TAF3: variants seen among roughly 807,000 people sequenced by gnomAD.
TAF3 encodes transcription initiation factor TFIID subunit 3.
A neutral mutation model predicts 80.6 loss-of-function variants in TAF3; 7 were observed. The ratio of observed to expected loss-of-function variants is 0.09; its 90% CI spans 0.05 to 0.16. TAF3 has a LOEUF of 0.16. TAF3 is among the 10% of genes least tolerant of loss of function. The pLI, the probability that TAF3 is intolerant of heterozygous loss-of-function variation, is 1.00. For synonymous variants in TAF3, 444 were observed against 446.1 expected (o/e 1.00, Z 0.06); for missense variants, 921 against 1,140.2 (o/e 0.81, Z 2.77).
intron 4 of TAF3, among the ~76,000 whole-genome samples, chr10:7,983,802 G>A (rs1831750843): frequency 1.3e-5 from 2 of 152,034 alleles, no homozygotes; most frequent in Non-Finnish European, 2.9e-5. Flanking sequence ...TTGCACTGCT[G>A]CACTCCAGCC....
In TAF3 at chr10:7,865,392, T is replaced by C. The variant is rs188773961; in HGVS notation, c.409+40832T>C. 3.1e-4 allele frequency among the ~76,000 whole-genome samples: 47 copies of C among 152,172 alleles called. No homozygotes were observed. In the East Asian group the frequency reaches 7.4e-3, roughly 24 times the overall value. On this transcript the variant is annotated intron_variant, in intron 2 of 6. Transcript: ENST00000344293. Reference sequence around the variant, plus strand: ...TACTCGGGAGGCTGAGGCAGGAGAATGGTGTGAACCCGGGAGGCGGAGCTT... The same window carrying C: ...TACTCGGGAGGCTGAGGCAGGAGAACGGTGTGAACCCGGGAGGCGGAGCTT...
chr10:7,913,200 G>A (rs1489425297), intron 2 of TAF3, among the ~76,000 whole-genome samples: 4 of 152,172 alleles, frequency 2.6e-5, no homozygotes, highest in East Asian at 3.9e-4. Flanking sequence ...CTCTTTAAAG[G>A]CCCTGTGTCT....
chr10:7,826,708 C>T (rs1017112547), intron 2 of TAF3, among the ~76,000 whole-genome samples: 9 of 152,096 alleles, frequency 5.9e-5, no homozygotes, highest in Non-Finnish European at 1.3e-4. Flanking sequence ...TATAAGGATG[C>T]AGTAAGTGGT....
At chr10:7,871,393 G>A (rs1837263148) in intron 2 of TAF3, among the ~76,000 whole-genome samples, 1 of 141,402 alleles carries the variant, frequency 7.1e-6, no homozygotes, top group African/African-American at 2.6e-5. Context: ...TAAATTGATA[G>A]TAAATTTTCT....
rs1333465714 is a variant in TAF3 at position 7,846,028 on chromosome 10, G to A, written c.409+21468G>A. Among the ~76,000 whole-genome samples, 7 of 146,882 alleles carry A rather than the reference G, an allele frequency of 4.8e-5. No homozygotes were observed. The South Asian group carries it at 6.5e-4, about 14-fold the overall frequency. On this transcript the variant is annotated intron_variant, in intron 2 of 6. Transcript: ENST00000344293. ...GGCTGGAGTGCAGTGGCGCAATCTC[G>A]GCTCACTGCAAGCTCCGCCTCCTGG...
At chr10:7,865,552 C>T (rs867224772) in intron 2 of TAF3, among the ~76,000 whole-genome samples, 9 of 152,154 alleles carry the variant, frequency 5.9e-5, no homozygotes, top group African/African-American at 1.4e-4. Flanking sequence ...AACCTTGGTG[C>T]GTGCTGAGCT....
At chr10:7,901,343 A>G (rs1197548297) in intron 2 of TAF3, among the ~76,000 whole-genome samples, 1 of 152,246 alleles carries the variant, frequency 6.6e-6, no homozygotes, top group Non-Finnish European at 1.5e-5. Context: ...AATTACCCAC[A>G]GGGTGCATGT....
At chr10:7,941,536 T>A (rs1429440833) in intron 2 of TAF3, among the ~76,000 whole-genome samples, 2 of 152,188 alleles carry the variant, frequency 1.3e-5, no homozygotes, top group African/African-American at 4.8e-5. Flanking sequence ...GTAAATGTGC[T>A]CTTTGGCACA....
At chr10:7,902,177 A>G (rs1259018809) in intron 2 of TAF3, among the ~76,000 whole-genome samples, 1 of 152,180 alleles carries the variant, frequency 6.6e-6, no homozygotes, top group East Asian at 1.9e-4. Flanking sequence ...CAATCCCAGC[A>G]CTTTGGGAGG....
At chr10:7,956,358 G>GT (rs1009104040) in intron 2 of TAF3, among the ~76,000 whole-genome samples, 11 of 152,032 alleles carry the variant, frequency 7.2e-5, no homozygotes, top group African/African-American at 2.4e-4. Context: ...ATAGTGGCAC[G>GT]TGCCTATAAT....
chr10:7,861,212 T>C (rs908169627), intron 2 of TAF3, among the ~76,000 whole-genome samples: 2 of 152,114 alleles, frequency 1.3e-5, no homozygotes, highest in African/African-American at 4.8e-5. Flanking sequence ...GATCCGCCCG[T>C]CTTGGCCTCT....
chr10:7,953,885 C>T lies in TAF3; in HGVS notation c.410-10035C>T, dbSNP rs562212698. On this transcript the variant is annotated intron_variant, in intron 2 of 6. Coordinates refer to ENST00000344293, the MANE Select transcript of TAF3 (RefSeq NM_031923.4). ...TTAGTCCTAGTTAACACAGAGCTCTCCATAGTGAGATTCAGAGTGCACTCC... is the reference window on the plus strand; with the variant it reads ...TTAGTCCTAGTTAACACAGAGCTCTTCATAGTGAGATTCAGAGTGCACTCC... 3.4e-3 allele frequency among the ~76,000 whole-genome samples: 509 copies of T among 149,660 alleles called. 10 individuals carry two copies. Among genetic ancestry groups the T allele is most frequent in the South Asian group, 0.017 (78 of 4,524 alleles).
chr10:7,828,433 A>C (rs1249510696), intron 2 of TAF3, among the ~76,000 whole-genome samples: 1 of 152,202 alleles, frequency 6.6e-6, no homozygotes, highest in African/African-American at 2.4e-5. Context: ...TTATATGTTT[A>C]GAAGTGAGAC....
At chr10:7,825,840 G>T (rs753372148) in intron 2 of TAF3, among the ~76,000 whole-genome samples, 6 of 151,860 alleles carry the variant, frequency 4.0e-5, no homozygotes, top group Admixed American at 2.0e-4. Flanking sequence ...TTGCTTTCAG[G>T]TGTTTTTTTT....
At chr10:7,939,793 C>T (rs546334454) in intron 2 of TAF3, among the ~76,000 whole-genome samples, 4 of 151,710 alleles carry the variant, frequency 2.6e-5, no homozygotes, top group Admixed American at 6.6e-5. Context: ...AAGAGAGGAA[C>T]GATAGGAGAG....
intron 2 of TAF3, among the ~76,000 whole-genome samples, chr10:7,863,884 A>G (rs1183653688): frequency 1.3e-5 from 2 of 151,712 alleles, no homozygotes; most frequent in South Asian, 2.1e-4. Flanking sequence ...TCATATTTTC[A>G]ATGTTTTACA....
intron 2 of TAF3, among the ~76,000 whole-genome samples, chr10:7,924,809 C>G (rs1181235393): frequency 6.6e-6 from 1 of 151,912 alleles, no homozygotes; most frequent in African/African-American, 2.4e-5. Context: ...AGAAAAACCC[C>G]TAGTTCTCTG....
At chr10:7,890,594 T>C (rs560286960) in intron 2 of TAF3, among the ~76,000 whole-genome samples, 11 of 152,356 alleles carry the variant, frequency 7.2e-5, no homozygotes, top group African/African-American at 2.6e-4. Flanking sequence ...CTGTGAGTGT[T>C]GATTGTCTGA....
intron 2 of TAF3, among the ~76,000 whole-genome samples, chr10:7,911,679 A>T (rs1335786257): frequency 6.6e-6 from 1 of 152,240 alleles, no homozygotes; most frequent in East Asian, 1.9e-4. Flanking sequence ...AGTTTGTCTC[A>T]TGTTGTGTAT....
Sources: allele counts gnomAD v4.1 joint callset (sites outside exome capture counted in the v4.1 genomes callset), GRCh38; gene constraint gnomAD v4.1.1; transcripts MANE v1.5; gene names NCBI Gene and HGNC (gene_info 2026-07-23, HGNC 2026-07-21).